The following TREH variants were observed in gnomAD, a reference collection of about 807,000 sequenced individuals.
TREH encodes the protein trehalase.
TREH carries 69 observed loss-of-function variants against 80.5 expected under a neutral mutation model. The observed-to-expected ratio is 0.86, with a 90% CI of 0.71 to 1.05. TREH has a LOEUF of 1.05. TREH is among the 50% of genes least tolerant of loss of function. The pLI, the probability that TREH is intolerant of heterozygous loss-of-function variation, is 0.00. For synonymous variants in TREH, 309 were observed against 293.5 expected (o/e 1.05, Z -0.54); for missense variants, 716 against 718.8 (o/e 1.00, Z 0.04).
chr11:118,659,832 T>A lies in TREH; in HGVS notation c.1235A>T (p.Glu412Val). ...TGGAGTGAGGTTGGATGGGTAAAAC[T>A]CCCGGTTTTTCTTCTTCTTCTCAAG... ...YDLEKKKKNR[E>V]FYPSNLTPLW... Residue 412 changes from glutamate to valine, a missense_variant, in exon 11 of 15, where the codon GAG becomes GTG. Coordinates refer to ENST00000264029, the MANE Select transcript of TREH (RefSeq NM_007180.3). 1.3e-6 allele frequency: 2 copies of A among 1,566,106 alleles called. No individual in the cohort carries two copies. Among genetic ancestry groups the A allele is most frequent in the Non-Finnish European group, 1.7e-6 (2 of 1,154,698 alleles).
chr11:118,677,969 A>C (rs782543698), intron 1 of TREH, among the ~76,000 whole-genome samples: 1 of 152,118 alleles, frequency 6.6e-6, no homozygotes, highest in South Asian at 2.1e-4. Context: ...CACAATTGTC[A>C]TGGGCAAGCA....
chr11:118,660,878 T>C lies in TREH; in HGVS notation c.895A>G (p.Thr299Ala). ...TCCTGCTGCTCACCTTCTGGCAAGG[T>C]GTCAGCCAACTCCACATCTTTGCTG... Reference protein sequence around the residue: ...SYSKDVELADTLPEGDREALW... With the variant: ...SYSKDVELADALPEGDREALW... Residue 299 changes from threonine (T) to alanine (A), a missense_variant, in exon 9 of 15, where the codon ACC becomes GCC. Thr to Ala is a moderately conservative substitution (Grantham distance 58). Transcript: ENST00000264029. 6.4e-7 allele frequency: 1 copy of C among 1,569,800 alleles called. No homozygotes were observed. The highest frequency in any genetic ancestry group is 8.6e-7 in the Non-Finnish European group (1 of 1,156,890).
intron 11 of TREH, 90 bp downstream of exon 11, chr11:118,659,657 G>A (rs1259825277): frequency 1.4e-6 from 2 of 1,477,754 alleles, no homozygotes; most frequent in Non-Finnish European, 1.8e-6. Flanking sequence ...GGCATAGCCG[G>A]AGGAAGCGCC....
intron 4 of TREH, among the ~76,000 whole-genome samples, chr11:118,662,553 C>T (rs533623955): frequency 1.1e-4 from 16 of 152,308 alleles, no homozygotes; most frequent in African/African-American, 3.6e-4. Flanking sequence ...CCCAGGAGCT[C>T]AGGGAAGGAG....
intron 1 of TREH, among the ~76,000 whole-genome samples, chr11:118,679,034 A>G (rs1458847969): frequency 3.3e-5 from 5 of 152,316 alleles, no homozygotes; most frequent in Non-Finnish European, 7.4e-5. Context: ...TCTGGCCAGC[A>G]GGCTCTTGGA....
At chr11:118,672,263 T>G (rs1474754491) in intron 1 of TREH, among the ~76,000 whole-genome samples, 1 of 151,928 alleles carries the variant, frequency 6.6e-6, no homozygotes, top group Non-Finnish European at 1.5e-5. Flanking sequence ...CCGGGTGTGG[T>G]GGCACGCACT....
intron 1 of TREH, among the ~76,000 whole-genome samples, chr11:118,669,074 C>T (rs535221090): frequency 6.6e-6 from 1 of 152,216 alleles, no homozygotes; most frequent in African/African-American, 2.4e-5. Flanking sequence ...ATACAAATGG[C>T]AAACAAGCAA....
At chr11:118,677,983 T>C (rs1046252671) in intron 1 of TREH, among the ~76,000 whole-genome samples, 7 of 152,160 alleles carry the variant, frequency 4.6e-5, no homozygotes, top group Admixed American at 3.9e-4. Context: ...GCAAGCACTG[T>C]CAACTCTCCC....
intron 1 of TREH, among the ~76,000 whole-genome samples, chr11:118,663,900 T>C (rs1373514631): frequency 6.6e-6 from 1 of 152,164 alleles, no homozygotes; most frequent in Non-Finnish European, 1.5e-5. Context: ...AGACAATTAC[T>C]AGCTGGCTCT....
intron 1 of TREH, among the ~76,000 whole-genome samples, chr11:118,672,810 G>C (rs376595027): frequency 4.1e-4 from 61 of 150,224 alleles, no homozygotes; most frequent in African/African-American, 1.3e-3. Context: ...AATAACACTA[G>C]AACTGTGGTG....
At chr11:118,663,568 TGC>T (rs1949349524) in intron 1 of TREH, 129 bp from the exon 2 acceptor site, 30 of 724,960 alleles carry the variant, frequency 4.1e-5, no homozygotes, top group Non-Finnish European at 6.7e-5. Context: ...TGTGTGTGCG[TGC>T]GTGTGTGTGT....
At chr11:118,677,333 G>T (rs1426336327) in intron 1 of TREH, among the ~76,000 whole-genome samples, 1 of 152,206 alleles carries the variant, frequency 6.6e-6, no homozygotes, top group Non-Finnish European at 1.5e-5. Flanking sequence ...AAATCCACTG[G>T]GAGAGGAAAA....
chr11:118,666,991 T>C (rs781893741), intron 1 of TREH, among the ~76,000 whole-genome samples: 14 of 152,154 alleles, frequency 9.2e-5, no homozygotes, highest in African/African-American at 1.2e-4. Context: ...CAAGCAATTC[T>C]CCTGCCTCAG....
rs1949513505 is a variant in TREH, at chr11:118,679,533, C to A, written c.89+6G>T. 3 of 1,495,074 alleles carry A rather than the reference C, an allele frequency of 2.0e-6. No homozygotes were observed. The highest frequency in any genetic ancestry group is 2.5e-5 in the East Asian group (1 of 39,636). 92.6% of individuals were successfully genotyped at this position (1,495,074 alleles called of 1,614,324 possible). On this transcript the variant is annotated splice_donor_region_variant and intron_variant, in intron 1 of 14. Coordinates refer to ENST00000264029, the MANE Select transcript of TREH (RefSeq NM_007180.3). ...TCCTCCCCTGCTGCCTTCCCCACAC[C>A]CCTACCTCTCACAGGGTGGGGGTAG... is the stretch of plus-strand genomic sequence containing the variant.
chr11:118,660,210 C>T (rs897202013), intron 10 of TREH, among the ~76,000 whole-genome samples: 4 of 152,208 alleles, frequency 2.6e-5, no homozygotes, highest in African/African-American at 9.6e-5. Flanking sequence ...CCCAAGGGTA[C>T]TGGCTGGGTG....
chr11:118,679,629 G>T lies in TREH; in HGVS notation c.-2C>A, dbSNP rs1555147260. 13 of 1,512,604 alleles carry T rather than the reference G, an allele frequency of 8.6e-6. No individual in the cohort carries two copies. Among genetic ancestry groups the T allele is most frequent in the African/African-American group, 1.4e-5 (1 of 72,324 alleles). 93.7% of individuals were successfully genotyped at this position (1,512,604 alleles called of 1,614,324 possible). A position where few individuals can be genotyped will look rare whatever the true frequency, so the allele number is the denominator to read the frequency against. On this transcript the variant is annotated 5_prime_UTR_variant, in exon 1 of 15. Coordinates refer to ENST00000264029, the MANE Select transcript of TREH (RefSeq NM_007180.3). ...CAGCTCCCAGGTCCTCCCTGGCATG[G>T]TGGCTGTGACTGTGACTGAATGAGC...
chr11:118,671,477 G>C (rs1172607466), intron 1 of TREH, among the ~76,000 whole-genome samples: 2 of 151,956 alleles, frequency 1.3e-5, no homozygotes, highest in East Asian at 3.9e-4. Context: ...CAGGCTATTT[G>C]AAAATACACA....
rs1949315560 is a variant in TREH, at chr11:118,661,062, G to A, written c.857+98C>T. Reference sequence around the variant, plus strand: ...GGCTCTCGGTGTCACCATCTGAGAGGCCAGGCTAAGTCACTCCTCCTCCTG... The same window carrying A: ...GGCTCTCGGTGTCACCATCTGAGAGACCAGGCTAAGTCACTCCTCCTCCTG... On this transcript the variant is annotated intron_variant, in intron 8 of 14. Coordinates refer to ENST00000264029, the MANE Select transcript of TREH (RefSeq NM_007180.3). This position sits in a 1 kb window ranked among gnomAD's most constrained non-coding sequence, Gnocchi z 4.2. 2 of 1,580,062 alleles carry A rather than the reference G, an allele frequency of 1.3e-6. No homozygotes were observed. The highest frequency in any genetic ancestry group is 3.5e-5 in the Admixed American group (2 of 56,698).
intron 1 of TREH, among the ~76,000 whole-genome samples, chr11:118,668,555 C>T (rs1202227225): frequency 1.5e-5 from 1 of 67,616 alleles, no homozygotes; most frequent in African/African-American, 6.2e-5. Context: ...GGGTGAGACT[C>T]TGTCTCAAAA....
Sources: allele counts gnomAD v4.1 joint callset (sites outside exome capture counted in the v4.1 genomes callset), GRCh38; gene constraint gnomAD v4.1.1; non-coding constraint Gnocchi (gnomAD v3.1); transcripts MANE v1.5; gene names NCBI Gene and HGNC (gene_info 2026-07-23, HGNC 2026-07-21).